LYN: variants seen among roughly 807,000 people sequenced by gnomAD.
The protein encoded by LYN is tyrosine-protein kinase Lyn.
In LYN, 12 loss-of-function variants were observed where a neutral mutation model predicts 65.0. The observed-to-expected ratio is 0.18, with a 90% CI of 0.12 to 0.30. The LOEUF (loss-of-function observed/expected upper bound fraction) is 0.30. Among genes scored for constraint, LYN ranks in the 10% least tolerant of loss-of-function variants. The pLI is 1.00. For synonymous variants in LYN, 222 were observed against 221.2 expected, an observed-to-expected ratio of 1.00 and a Z score of -0.03; for missense variants, 380 against 623.2, an observed-to-expected ratio of 0.61 and a Z score of 4.16.
intron 1 of LYN, among the ~76,000 whole-genome samples, chr8:55,907,887 A>G (rs1186364232): frequency 6.6e-6 from 1 of 152,140 alleles, no homozygotes; most frequent in African/African-American, 2.4e-5. Flanking sequence ...TAAGTAGTTT[A>G]AATAAATAAA....
At chr8:55,990,274 G>A (rs1241534374) in intron 10 of LYN, among the ~76,000 whole-genome samples, 4 of 150,612 alleles carry the variant, frequency 2.7e-5, no homozygotes, top group East Asian at 3.9e-4. Context: ...GTCCTGATTG[G>A]CCATTGGTTG....
rs1291504186 is a variant in LYN, at chr8:56,003,891, A to T, written c.1336+4342A>T. Among the ~76,000 whole-genome samples, 6 of 147,050 alleles carry T rather than the reference A, an allele frequency of 4.1e-5. No individual in the cohort carries two copies. In the East Asian group the frequency reaches 1.0e-3, roughly 25 times the overall value. ...TCTTGATGAATTTCTGAAATTTCTA[A>T]TTTTTTTACAATGATATTGTTATTA... On this transcript the variant is annotated intron_variant, in intron 12 of 12. Coordinates refer to ENST00000519728, the MANE Select transcript of LYN (RefSeq NM_002350.4).
intron 1 of LYN, among the ~76,000 whole-genome samples, chr8:55,928,425 CA>C (rs1156346199): frequency 1.3e-5 from 2 of 152,224 alleles, no homozygotes; most frequent in East Asian, 3.8e-4. Flanking sequence ...GGATTACAGT[CA>C]TGAGCCACCA....
At chr8:55,883,000 C>T (rs143002509) in intron 1 of LYN, among the ~76,000 whole-genome samples, 234 of 152,306 alleles carry the variant, frequency 1.5e-3, no homozygotes, top group African/African-American at 5.4e-3. Flanking sequence ...ATTTAATACA[C>T]TTAACCTACT....
chr8:55,912,935 T>C (rs1239708558), intron 1 of LYN, among the ~76,000 whole-genome samples: 1 of 152,142 alleles, frequency 6.6e-6, no homozygotes, highest in Non-Finnish European at 1.5e-5. Context: ...AGTAATGAAA[T>C]TTCATAATTA....
intron 1 of LYN, among the ~76,000 whole-genome samples, chr8:55,933,861 C>A (rs1281264377): frequency 2.7e-5 from 4 of 149,620 alleles, no homozygotes; most frequent in African/African-American, 5.1e-5. Context: ...TGCTGCTGCC[C>A]CTTCACATTG....
chr8:55,880,736 G>C (rs1404532853), intron 1 of LYN, among the ~76,000 whole-genome samples: 2 of 152,246 alleles, frequency 1.3e-5, no homozygotes, highest in Non-Finnish European at 2.9e-5. Context: ...CCGAGGAGCA[G>C]TCCGGTGCTT....
intron 1 of LYN, among the ~76,000 whole-genome samples, chr8:55,910,387 C>A (rs1248157860): frequency 6.6e-6 from 1 of 152,094 alleles, no homozygotes; most frequent in South Asian, 2.1e-4. Context: ...TTTGTAGCAC[C>A]ATTTATTGAA....
intron 10 of LYN, among the ~76,000 whole-genome samples, chr8:55,973,336 C>A (rs956549159): frequency 6.6e-6 from 1 of 152,188 alleles, no homozygotes; most frequent in Non-Finnish European, 1.5e-5. Context: ...CCATCCATAG[C>A]CCATTCAACA....
chr8:55,892,690 G>A (rs1200641130), intron 1 of LYN, among the ~76,000 whole-genome samples: 1 of 152,064 alleles, frequency 6.6e-6, no homozygotes, highest in Non-Finnish European at 1.5e-5. Flanking sequence ...TTACGAGCAT[G>A]AGCCATTGTG....
At chr8:55,923,792 G>C (rs367600126) in intron 1 of LYN, among the ~76,000 whole-genome samples, 2 of 151,824 alleles carry the variant, frequency 1.3e-5, no homozygotes, top group African/African-American at 2.4e-5. Flanking sequence ...TGCCTACCTC[G>C]GCCTCCCAAT....
At chr8:55,941,309 T>A (rs1234060485) in intron 1 of LYN, among the ~76,000 whole-genome samples, 2 of 152,220 alleles carry the variant, frequency 1.3e-5, no homozygotes, top group Admixed American at 1.3e-4. Context: ...TACCTGCTCC[T>A]TGACTGCAGT....
intron 1 of LYN, among the ~76,000 whole-genome samples, chr8:55,916,988 C>G (rs1805795067): frequency 6.6e-6 from 1 of 151,842 alleles, no homozygotes; most frequent in African/African-American, 2.4e-5. Flanking sequence ...ACCACCCTGG[C>G]CAACACGGTG....
chr8:55,924,352 G>A (rs1806035900), intron 1 of LYN, among the ~76,000 whole-genome samples: 1 of 151,126 alleles, frequency 6.6e-6, no homozygotes, highest in African/African-American at 2.4e-5. Context: ...GGCACTTCTT[G>A]GCATCCTCAT....
chr8:55,943,156 C>G (rs1806676097), intron 2 of LYN, among the ~76,000 whole-genome samples: 1 of 152,186 alleles, frequency 6.6e-6, no homozygotes, highest in African/African-American at 2.4e-5. Context: ...CAATTATAAC[C>G]TGAAATCTAC....
intron 10 of LYN, among the ~76,000 whole-genome samples, chr8:55,976,828 C>G (rs144216436): frequency 1.3e-5 from 2 of 151,916 alleles, no homozygotes; most frequent in Non-Finnish European, 2.9e-5. Context: ...AAGGAGTACA[C>G]GGGGATGCAA....
intron 10 of LYN, among the ~76,000 whole-genome samples, chr8:55,990,617 G>A (rs1425493082): frequency 1.3e-5 from 2 of 152,184 alleles, no homozygotes; most frequent in African/African-American, 4.8e-5. Flanking sequence ...TATCTGTCAT[G>A]TGATGTTATA....
rs1435522094 is a variant in LYN, at chr8:55,880,035, G to A, written c.-74G>A. 1 of 307,878 alleles carries A rather than the reference G, an allele frequency of 3.2e-6. No individual in the cohort carries two copies. Among genetic ancestry groups the A allele is most frequent in the Non-Finnish European group, 6.6e-6 (1 of 151,932 alleles). 19.1% of individuals were successfully genotyped at this position (307,878 alleles called of 1,614,324 possible). A position where few individuals can be genotyped will look rare whatever the true frequency, so the allele number is the denominator to read the frequency against. On this transcript the variant is annotated 5_prime_UTR_variant, in exon 1 of 13. Coordinates refer to ENST00000519728, the MANE Select transcript of LYN (RefSeq NM_002350.4). The stretch of plus-strand genomic sequence containing the variant: ...TACGCAGGTCCTGCTGGGCCGCCCC[G>A]TCGCGCCCCCCACTCTGAACTCAAG...
chr8:55,958,395 G>T (rs1252943560), intron 8 of LYN, among the ~76,000 whole-genome samples: 1 of 152,184 alleles, frequency 6.6e-6, no homozygotes, highest in East Asian at 1.9e-4. Context: ...TTTTTATTTA[G>T]ACTGAAACAG....
Sources: gnomAD v4.1 joint callset for allele counts (sites outside exome capture counted in the v4.1 genomes callset) on GRCh38, gnomAD v4.1.1 for gene constraint, MANE v1.5 for transcripts, NCBI Gene and HGNC (gene_info 2026-07-23, HGNC 2026-07-21) for gene names.